Variants in HDAC9 observed in about 807,000 individuals in gnomAD.
HDAC9 encodes the protein histone deacetylase 9, also known as MEF-2 interacting transcription repressor (MITR) protein.
HDAC9 carries 41 observed loss-of-function variants against 139.4 expected under a neutral mutation model. That is an observed-to-expected ratio of 0.29 (90% confidence interval 0.23 to 0.38). The LOEUF is 0.38. Among genes scored for constraint, HDAC9 ranks in the 10% least tolerant of loss-of-function variants. HDAC9 has a pLI of 1.00. For missense variants in HDAC9, 1,147 were observed against 1,297.0 expected, an observed-to-expected ratio of 0.88 and a Z score of 1.78; for synonymous variants, 517 against 476.2, an observed-to-expected ratio of 1.09 and a Z score of -1.12.
intron 2 of HDAC9, among the ~76,000 whole-genome samples, chr7:18,210,272 C>G (rs996035570): frequency 2.0e-5 from 3 of 152,084 alleles, no homozygotes; most frequent in East Asian, 3.9e-4. Flanking sequence ...AAGGGGGAAA[C>G]TTTGAATTTA....
chr7:18,853,424 T>G (rs377137477), intron 21 of HDAC9, among the ~76,000 whole-genome samples: 2 of 152,182 alleles, frequency 1.3e-5, no homozygotes, highest in South Asian at 4.1e-4. Flanking sequence ...AGTTCAGCAA[T>G]ATAATAGATG....
At position 18,689,300 on chromosome 7, in the gene HDAC9, A is replaced by C. The variant is rs1335151610; in HGVS notation, c.1731+22824A>C. Among the ~76,000 whole-genome samples the C allele has an allele frequency of 5.3e-5, 8 of 151,970 alleles. No homozygotes were observed. The Admixed American group carries it at 5.3e-4, about 10-fold the overall frequency. On this transcript the variant is annotated intron_variant, in intron 12 of 25. Coordinates refer to ENST00000686413, the MANE Select transcript of HDAC9 (RefSeq NM_178425.4). ...GTTTAAACTAAGACATGGGAGACAG[A>C]GAGAGATTTTAGGTACTACAGCCTT...
intron 22 of HDAC9, among the ~76,000 whole-genome samples, chr7:18,921,635 G>C (rs1179632256): frequency 2.6e-5 from 4 of 152,154 alleles, no homozygotes; most frequent in African/African-American, 9.6e-5. Flanking sequence ...TGGTGGGACT[G>C]TTAACTAGTT....
chr7:18,580,263 C>T (rs908971241), intron 2 of HDAC9, among the ~76,000 whole-genome samples: 3 of 152,126 alleles, frequency 2.0e-5, no homozygotes, highest in Non-Finnish European at 4.4e-5. Context: ...CTTTCATTTA[C>T]AAGTTCACTA....
At chr7:18,274,143 T>G (rs1451977799) in intron 2 of HDAC9, among the ~76,000 whole-genome samples, 1 of 152,170 alleles carries the variant, frequency 6.6e-6, no homozygotes, top group African/African-American at 2.4e-5. Flanking sequence ...TCGGGATTGT[T>G]CATAATATTA....
intron 1 of HDAC9, among the ~76,000 whole-genome samples, chr7:18,324,560 T>A (rs1413782139): frequency 6.6e-6 from 1 of 152,156 alleles, no homozygotes; most frequent in Non-Finnish European, 1.5e-5. Context: ...TTTTCTTGGG[T>A]GCTGTATACC....
Position 18,959,851 on chromosome 7 carries a change from A to G in HDAC9, c.3022+5621A>G, listed in dbSNP as rs146102824. 1.3e-4 allele frequency among the ~76,000 whole-genome samples: 20 copies of G among 152,304 alleles called. No homozygotes were observed. In the East Asian group the frequency reaches 3.3e-3, roughly 25 times the overall value. The stretch of plus-strand genomic sequence containing the variant: ...CTTTTTAGAATTTCTTATTATGCCA[A>G]CCAAGGCAAAATGGTGGCACAGGCA... On this transcript the variant is annotated intron_variant, in intron 24 of 25. Transcript: ENST00000686413.
chr7:18,216,795 T>C (rs1455633944), intron 2 of HDAC9, among the ~76,000 whole-genome samples: 1 of 152,166 alleles, frequency 6.6e-6, no homozygotes, highest in Non-Finnish European at 1.5e-5. Context: ...GTTTTCTGTT[T>C]TGTCAGCTGG....
intron 17 of HDAC9, among the ~76,000 whole-genome samples, chr7:18,807,741 C>T (rs1413316744): frequency 1.3e-5 from 2 of 151,872 alleles, no homozygotes; most frequent in African/African-American, 4.8e-5. Flanking sequence ...TCCAATTTTC[C>T]TCTGGTTATT....
At chr7:18,390,491 G>A (rs866418969) in intron 1 of HDAC9, among the ~76,000 whole-genome samples, 1 of 152,098 alleles carries the variant, frequency 6.6e-6, no homozygotes, top group Non-Finnish European at 1.5e-5. Flanking sequence ...TCCTAGACCA[G>A]GCCACTTTGC....
chr7:18,559,209 G>C (rs1339548106), intron 2 of HDAC9, among the ~76,000 whole-genome samples: 1 of 152,014 alleles, frequency 6.6e-6, no homozygotes, highest in African/African-American at 2.4e-5. Flanking sequence ...GTCCTTCATG[G>C]GCAGATTCTA....
chr7:18,543,571 T>A lies in HDAC9; in HGVS notation c.23-41710T>A, dbSNP rs551317651. On this transcript the variant is annotated intron_variant, in intron 2 of 25. Transcript: ENST00000686413. ...TTTGTGACACCACATGCAGATCTGTTCATCATATTTTCTGGTATTCATTTG... is the reference window on the plus strand; with the variant it reads ...TTTGTGACACCACATGCAGATCTGTACATCATATTTTCTGGTATTCATTTG... 9 of 152,302 alleles carry A rather than the reference T, an allele frequency of 5.9e-5. No homozygotes were observed. The East Asian group carries it at 1.7e-3, about 29-fold the overall frequency. The allele number at this position is 152,302 out of a possible 1,614,324, so 9.4% of individuals were successfully genotyped here.
chr7:18,568,252 A>G (rs1823121175), intron 2 of HDAC9, among the ~76,000 whole-genome samples: 1 of 152,046 alleles, frequency 6.6e-6, no homozygotes, highest in Non-Finnish European at 1.5e-5. Context: ...ATGGAATATT[A>G]TACAGGATCT....
intron 1 of HDAC9, among the ~76,000 whole-genome samples, chr7:18,384,446 A>G (rs1428742962): frequency 6.6e-6 from 1 of 152,186 alleles, no homozygotes; most frequent in Admixed American, 6.5e-5. Flanking sequence ...TACTTTCTAT[A>G]TTATTTAATT....
At chr7:18,150,724 A>G (rs1327448176) in intron 1 of HDAC9, among the ~76,000 whole-genome samples, 1 of 152,170 alleles carries the variant, frequency 6.6e-6, no homozygotes, top group Non-Finnish European at 1.5e-5. Flanking sequence ...CCAACTCACT[A>G]AACAGGTTTT....
chr7:18,955,075 A>T (rs937350932), intron 24 of HDAC9, among the ~76,000 whole-genome samples: 5 of 152,180 alleles, frequency 3.3e-5, no homozygotes, highest in African/African-American at 1.2e-4. Context: ...ACTGAGGGCT[A>T]TATGTACCCA....
chr7:18,954,071 A>C (rs1782983323), intron 23 of HDAC9, 75 bp from the exon 24 acceptor site: 1 of 969,828 alleles, frequency 1.0e-6, no homozygotes. Flanking sequence ...AGGTTGTTTC[A>C]GTTTGCTTTG....
intron 2 of HDAC9, among the ~76,000 whole-genome samples, chr7:18,571,623 A>T (rs988246768): frequency 6.6e-6 from 1 of 150,678 alleles, no homozygotes; most frequent in African/African-American, 2.5e-5. Flanking sequence ...TTTATTTTTT[A>T]TTTTTTATTT....
rs1584968650 is a variant in HDAC9 at position 18,749,153 on chromosome 7, GAC to G, written c.2043+20_2043+21del. 6.2e-7 allele frequency: 1 copy of G among 1,612,546 alleles called. No homozygotes were observed. The highest frequency in any genetic ancestry group is 2.2e-5 in the East Asian group (1 of 44,854). The stretch of plus-strand genomic sequence containing the variant: ...ATAAATGTGAGGTAATCCAGAATTG[GAC>G]ACACTCTTTTACTTACTTAAATAAA... On this transcript the variant is annotated intron_variant, in intron 14 of 25. Transcript: ENST00000686413.
Sources: allele counts gnomAD v4.1 joint callset (sites outside exome capture counted in the v4.1 genomes callset), GRCh38; gene constraint gnomAD v4.1.1; transcripts MANE v1.5; gene names NCBI Gene and HGNC (gene_info 2026-07-23, HGNC 2026-07-21).